GRM8: variants seen among roughly 807,000 people sequenced by gnomAD.
GRM8 encodes the protein glutamate metabotropic receptor 8, also known as metabotropic glutamate receptor 8.
Under a neutral mutation model 87.2 loss-of-function variants are expected in GRM8, and 47 were observed. The observed-to-expected ratio is 0.54, with a 90% CI of 0.43 to 0.69. GRM8 has a LOEUF of 0.69. Ranked by LOEUF, GRM8 falls within the 30% of genes least tolerant of loss-of-function variation. GRM8 has a pLI of 0.00. For missense variants in GRM8, 1,019 were observed against 1,139.2 expected (o/e 0.89, Z 1.52); for synonymous variants, 396 against 404.5 (o/e 0.98, Z 0.25).
chr7:126,785,539 C>A (rs1820532045), intron 6 of GRM8, among the ~76,000 whole-genome samples: 1 of 152,030 alleles, frequency 6.6e-6, no homozygotes, highest in African/African-American at 2.4e-5. Context: ...TTAGCTGCTG[C>A]CAATAGGATG....
At chr7:126,958,427 C>T (rs189955377) in intron 3 of GRM8, among the ~76,000 whole-genome samples, 1 of 152,298 alleles carries the variant, frequency 6.6e-6, no homozygotes, top group Admixed American at 6.5e-5. Context: ...ATACCAGTGC[C>T]CACAGCAGAA....
intron 2 of GRM8, among the ~76,000 whole-genome samples, chr7:127,200,387 T>C (rs959744441): frequency 6.6e-6 from 1 of 152,242 alleles, no homozygotes; most frequent in African/African-American, 2.4e-5. Flanking sequence ...TAAGACCTCA[T>C]ATACTTTTTG....
chr7:126,955,841 A>G (rs777744416), intron 3 of GRM8, among the ~76,000 whole-genome samples: 6 of 152,184 alleles, frequency 3.9e-5, no homozygotes, highest in African/African-American at 7.2e-5. Flanking sequence ...CCTTAATAAG[A>G]GAGCCTGACA....
chr7:126,985,098 CA>C (rs1563381963), intron 3 of GRM8, among the ~76,000 whole-genome samples: 1 of 152,098 alleles, frequency 6.6e-6, no homozygotes, highest in African/African-American at 2.4e-5. Context: ...CTTATTGACA[CA>C]AATGAGAGTT....
intron 3 of GRM8, among the ~76,000 whole-genome samples, chr7:126,930,317 A>G (rs560824022): frequency 6.6e-6 from 1 of 152,382 alleles, no homozygotes; most frequent in Admixed American, 6.5e-5. Context: ...GACATGAGCT[A>G]TATGAGCTAG....
chr7:126,977,849 T>C (rs1227230664), intron 3 of GRM8, among the ~76,000 whole-genome samples: 1 of 152,128 alleles, frequency 6.6e-6, no homozygotes, highest in Non-Finnish European at 1.5e-5. Flanking sequence ...GATGACTGAA[T>C]GGGGTTGGAA....
intron 3 of GRM8, among the ~76,000 whole-genome samples, chr7:127,015,041 AAGAAGAAGAAGAAGAAGAAGAAG>A (rs1563413079): frequency 7.9e-6 from 1 of 126,618 alleles, no homozygotes; most frequent in East Asian, 2.2e-4. Context: ...GAAGAAGAAG[AAGAAGAAGAAGAAGAAGAAGAAG>A]AAGAAAGAAA....
intron 3 of GRM8, among the ~76,000 whole-genome samples, chr7:127,055,829 G>A (rs761309422): frequency 5.3e-5 from 8 of 151,930 alleles, no homozygotes; most frequent in African/African-American, 1.2e-4. Context: ...AAAAGTTTGC[G>A]AAGTGAATTG....
chr7:126,563,929 A>C (rs1793963118), intron 8 of GRM8, among the ~76,000 whole-genome samples: 1 of 152,244 alleles, frequency 6.6e-6, no homozygotes, highest in Non-Finnish European at 1.5e-5. Context: ...TAAAGGCTGC[A>C]GAATTTCTGG....
intron 8 of GRM8, among the ~76,000 whole-genome samples, chr7:126,543,464 C>T (rs1816769228): frequency 6.6e-6 from 1 of 152,106 alleles, no homozygotes; most frequent in African/African-American, 2.4e-5. Flanking sequence ...TCTGATTTTC[C>T]ACCACTGTGT....
At chr7:126,504,524 G>A (rs1413669875) in intron 9 of GRM8, among the ~76,000 whole-genome samples, 1 of 151,920 alleles carries the variant, frequency 6.6e-6, no homozygotes, top group East Asian at 1.9e-4. Flanking sequence ...TATAAAATGA[G>A]AACTTAAAAC....
In GRM8 at chr7:126,918,528, A is replaced by G. The variant is rs113293177; in HGVS notation, c.728-13845T>C. Among the ~76,000 whole-genome samples the G allele has an allele frequency of 4.5e-3, 687 of 152,378 alleles. 6 individuals are homozygous for G. The highest frequency in any genetic ancestry group is 0.016 in the African/African-American group (658 of 41,598). On this transcript the variant is annotated intron_variant, in intron 3 of 10. Coordinates refer to ENST00000339582, the MANE Select transcript of GRM8 (RefSeq NM_000845.3). ...ATGACCACTGGAAGAGGAAATAGCA[A>G]CACATCAATCCTAAGAATGAAGGAT...
intron 8 of GRM8, among the ~76,000 whole-genome samples, chr7:126,571,361 A>AT (rs1794675395): frequency 6.6e-6 from 1 of 152,142 alleles, no homozygotes; most frequent in Non-Finnish European, 1.5e-5. Flanking sequence ...AGTAATTTAG[A>AT]TTTTATGAGA....
intron 9 of GRM8, among the ~76,000 whole-genome samples, chr7:126,514,384 T>C (rs1451676694): frequency 4.6e-5 from 7 of 152,272 alleles, no homozygotes; most frequent in East Asian, 1.9e-4. Context: ...TTTGGAGACA[T>C]TAGGCTTCAA....
chr7:126,902,359 C>A (rs1802174893), intron 6 of GRM8, among the ~76,000 whole-genome samples, 183 bp downstream of exon 6: 1 of 152,102 alleles, frequency 6.6e-6, no homozygotes, highest in African/African-American at 2.4e-5. Flanking sequence ...TTGAAAGAAC[C>A]AATAAACAAA....
At chr7:126,991,931 C>T (rs1218412351) in intron 3 of GRM8, among the ~76,000 whole-genome samples, 1 of 151,956 alleles carries the variant, frequency 6.6e-6, no homozygotes, top group East Asian at 1.9e-4. Context: ...TAATAAAAGT[C>T]AATAGCATGA....
At chr7:126,930,242 C>A (rs1039205676) in intron 3 of GRM8, among the ~76,000 whole-genome samples, 4 of 152,218 alleles carry the variant, frequency 2.6e-5, no homozygotes, top group Admixed American at 1.3e-4. Context: ...AGCTACTTAA[C>A]TTCTCTGTGC....
intron 7 of GRM8, among the ~76,000 whole-genome samples, chr7:126,745,369 G>A (rs1019008052): frequency 9.4e-6 from 1 of 106,008 alleles, no homozygotes; most frequent in Non-Finnish European, 2.3e-5. Context: ...AATTTCCATT[G>A]TTATTCATAT....
intron 3 of GRM8, among the ~76,000 whole-genome samples, chr7:126,909,763 C>T (rs1803099303): frequency 1.3e-5 from 2 of 152,146 alleles, no homozygotes; most frequent in African/African-American, 2.4e-5. Flanking sequence ...GACACCATCT[C>T]TATTCCTAAT....
Sources: allele counts gnomAD v4.1 joint callset (sites outside exome capture counted in the v4.1 genomes callset), GRCh38; gene constraint gnomAD v4.1.1; transcripts MANE v1.5; gene names NCBI Gene and HGNC (gene_info 2026-07-23, HGNC 2026-07-21).